Variants in ZBTB4 observed in about 807,000 individuals in gnomAD.
The protein encoded by ZBTB4 is zinc finger and BTB domain containing 4, also known as zinc finger and BTB domain-containing protein 4.
A neutral mutation model predicts 59.8 loss-of-function variants in ZBTB4; 14 were observed. That is an observed-to-expected ratio of 0.23 (90% confidence interval 0.15 to 0.37). The LOEUF (loss-of-function observed/expected upper bound fraction) is 0.37. ZBTB4 is among the 10% of genes least tolerant of loss of function. ZBTB4 has a pLI of 1.00. For missense variants in ZBTB4, 1,198 were observed against 1,380.8 expected, an observed-to-expected ratio of 0.87 and a Z score of 2.10; for synonymous variants, 587 against 575.2, an observed-to-expected ratio of 1.02 and a Z score of -0.29.
upstream of ZBTB4, among the ~76,000 whole-genome samples, chr17:7,480,862 A>C (rs1255870637): frequency 2.6e-5 from 4 of 152,066 alleles, no homozygotes; most frequent in South Asian, 4.1e-4. Context: ...AATAGAAAAG[A>C]AGCAGAGTTG....
rs1481303682 is a variant in ZBTB4, at chr17:7,462,888, C to G, written c.2094G>C (p.Trp698Cys). ...GLPRGRRPPR[W>C]RQKLERRSWE... The stretch of plus-strand genomic sequence containing the variant: ...AGCTCCTCCGTTCCAGCTTCTGCCT[C>G]CAACGTGGTGGCCGGCGGCCTCGGG... Residue 698 changes from tryptophan to cysteine, a missense_variant, in exon 4 of 4, where the codon TGG (tryptophan) becomes TGC (cysteine). By Grantham distance (215) the Trp-to-Cys change is radical. This residue lies in a region of ZBTB4 where 550 missense variants were observed against 541.8 expected (regional missense o/e 1.02). Coordinates refer to ENST00000380599, the MANE Select transcript of ZBTB4 (RefSeq NM_001128833.2). This position sits in a 1 kb window ranked among gnomAD's most constrained non-coding sequence, Gnocchi z 7.5. 11 of 1,607,792 alleles carry G rather than the reference C, an allele frequency of 6.8e-6. No homozygotes were observed. Among genetic ancestry groups the G allele is most frequent in the Non-Finnish European group, 9.3e-6 (11 of 1,179,888 alleles).
chr17:7,474,585 G>A (rs1297134774), intron 1 of ZBTB4, among the ~76,000 whole-genome samples: 2 of 152,050 alleles, frequency 1.3e-5, no homozygotes, highest in African/African-American at 4.8e-5. Context: ...GGCCTAGCAC[G>A]TAATAGGTGG....
chr17:7,464,411 G>A (rs1158598570), intron 3 of ZBTB4, among the ~76,000 whole-genome samples: 3 of 135,090 alleles, frequency 2.2e-5, no homozygotes, highest in Non-Finnish European at 4.7e-5. Context: ...GGGCGACAGA[G>A]TGAGACTCTG....
rs2069990659 is a variant in ZBTB4 at position 7,459,676 on chromosome 17, A to C, written c.*2264T>G. The stretch of plus-strand genomic sequence containing the variant: ...GAAACTCACAATATTCAAATTCCCC[A>C]GCTCAAATACATATATTTTAATCTC... On this transcript the variant is annotated 3_prime_UTR_variant, in exon 4 of 4. Transcript: ENST00000380599. The C allele has an allele frequency of 1.3e-5, 2 of 152,538 alleles. No individual in the cohort carries two copies. Among genetic ancestry groups the C allele is most frequent in the Middle Eastern group, 6.8e-3 (2 of 294 alleles). The allele number at this position is 152,538 out of a possible 1,614,324, so 9.4% of individuals were successfully genotyped here. A position where few individuals can be genotyped will look rare whatever the true frequency, so the allele number is the denominator to read the frequency against.
At chr17:7,478,765 C>T (rs1352125881) in intron 1 of ZBTB4, among the ~76,000 whole-genome samples, 1 of 152,230 alleles carries the variant, frequency 6.6e-6, no homozygotes, top group Non-Finnish European at 1.5e-5. Context: ...CCACAGGGCT[C>T]GTCTTGTAAC....
chr17:7,483,175 G>C, upstream of ZBTB4: 1 of 1,260,224 alleles, frequency 7.9e-7, no homozygotes. Context: ...GAAGACCTGG[G>C]GCCAGCCTGG....
intron 1 of ZBTB4, among the ~76,000 whole-genome samples, chr17:7,479,151 G>A (rs2070309958): frequency 6.6e-6 from 1 of 152,008 alleles, no homozygotes; most frequent in African/African-American, 2.4e-5. Context: ...CCATTAGGCT[G>A]CAGAATTAAC....
In ZBTB4 at chr17:7,461,719, C is replaced by A; in HGVS notation, c.*221G>T. The A allele has an allele frequency of 2.3e-6, 1 of 439,696 alleles. No individual in the cohort carries two copies. The highest frequency in any genetic ancestry group is 5.6e-5 in the South Asian group (1 of 17,960). The allele number at this position is 439,696 out of a possible 1,614,324, so 27.2% of individuals were successfully genotyped here. The stretch of plus-strand genomic sequence containing the variant: ...GCCCTGCCCCTCATGGAGGCCATTC[C>A]CTGGAGGAAGACTGAGAGGGGAACC... On this transcript the variant is annotated 3_prime_UTR_variant, in exon 4 of 4. Transcript: ENST00000380599.
In ZBTB4 at chr17:7,463,390, G is replaced by C. The variant is rs763266806; in HGVS notation, c.1592C>G (p.Ala531Gly). 6.3e-7 allele frequency: 1 copy of C among 1,595,434 alleles called. No individual in the cohort carries two copies. The highest frequency in any genetic ancestry group is 8.5e-7 in the Non-Finnish European group (1 of 1,171,260). Reference sequence around the variant, plus strand: ...TGCTGTGGCTGGGCTGGTGGGTGTGGCTGCAGGCTCAGGGGGAGGAGGTGG... The same window carrying C: ...TGCTGTGGCTGGGCTGGTGGGTGTGCCTGCAGGCTCAGGGGGAGGAGGTGG... ...EYPPPPPEPA[A>G]TPTSPATAVS... The change falls in exon 4 of 4, where the codon GCC (alanine) becomes GGC (glycine). Residue 531 changes from alanine to glycine, a missense_variant. Physicochemically the swap from Ala to Gly is moderately conservative, Grantham distance 60. Transcript: ENST00000380599.
Position 7,465,993 on chromosome 17 carries a change from G to C in ZBTB4, c.809C>G (p.Ala270Gly). The C allele has an allele frequency of 6.2e-7, 1 of 1,603,640 alleles. No individual in the cohort carries two copies. The highest frequency in any genetic ancestry group is 8.5e-7 in the Non-Finnish European group (1 of 1,172,982). The stretch of plus-strand genomic sequence containing the variant: ...AGGACCACCAGGGCCAGCGCCCCCA[G>C]CTCCCAGCCCTGTAGACCCCCGCGT... The part of the protein sequence containing the change: ...ASTRGSTGLG[A>G]GGAGPGGPAG... Residue 270 changes from alanine to glycine, a missense_variant, in exon 3 of 4, where the codon GCT (alanine) becomes GGT (glycine). Physicochemically the swap from Ala to Gly is moderately conservative, Grantham distance 60. Coordinates refer to ENST00000380599, the MANE Select transcript of ZBTB4 (RefSeq NM_001128833.2).
At chr17:7,482,796 G>T, upstream of ZBTB4, 1 of 1,612,068 alleles carries the variant, frequency 6.2e-7, no homozygotes, top group Non-Finnish European at 8.5e-7. Flanking sequence ...ACATGTGTGA[G>T]CTATGCGGTC....
In ZBTB4 at chr17:7,463,032, CTCCTCCTCCTCCTCTTCG is replaced by C. The variant is rs771260311; in HGVS notation, c.1932_1949del (p.Asp644_Glu649del). On this transcript the variant is annotated inframe_deletion, in exon 4 of 4. Coordinates refer to ENST00000380599, the MANE Select transcript of ZBTB4 (RefSeq NM_001128833.2). Reference sequence around the variant, plus strand: ...CACCAGCCTTTGATTCCTCCTCATCCTCCTCCTCCTCCTCTTCGTCCTCCTCCTCTTCGTCCTCCTCAC... The same window carrying C: ...CACCAGCCTTTGATTCCTCCTCATCCTCCTCCTCCTCTTCGTCCTCCTCAC... 13 of 1,587,134 alleles carry C rather than the reference CTCCTCCTCCTCCTCTTCG, an allele frequency of 8.2e-6. No homozygotes were observed. The Admixed American group carries it at 1.2e-4, about 14-fold the overall frequency.
At chr17:7,481,629 T>G, upstream of ZBTB4, 1 of 770,660 alleles carries the variant, frequency 1.3e-6, no homozygotes, top group Non-Finnish European at 2.0e-6. Flanking sequence ...CAAATAGAAT[T>G]CATAATGGTG....
At chr17:7,472,160 C>T (rs2070206197) in intron 1 of ZBTB4, among the ~76,000 whole-genome samples, 1 of 152,036 alleles carries the variant, frequency 6.6e-6, no homozygotes, top group South Asian at 2.1e-4. Flanking sequence ...CCCGACCCTA[C>T]TTTATTTTGC....
chr17:7,481,259 G>A (rs944160601), upstream of ZBTB4: 2 of 340,428 alleles, frequency 5.9e-6, no homozygotes, highest in African/African-American at 4.3e-5. Flanking sequence ...GAATCTGGGA[G>A]GTGGAGGTTG....
Position 7,460,380 on chromosome 17 carries a change from T to A in ZBTB4, c.*1560A>T, listed in dbSNP as rs1048203108. ...TAAACTCACCTCCCTCCAAAAGCCA[T>A]GATCTTGCCCTTGGCAGTGATTGCT... is the stretch of plus-strand genomic sequence containing the variant. On this transcript the variant is annotated 3_prime_UTR_variant, in exon 4 of 4. Transcript: ENST00000380599. 6.6e-6 allele frequency: 1 copy of A among 152,642 alleles called. No individual in the cohort carries two copies. Among genetic ancestry groups the A allele is most frequent in the Non-Finnish European group, 1.5e-5 (1 of 68,038 alleles). 9.5% of individuals were successfully genotyped at this position (152,642 alleles called of 1,614,324 possible). A position where few individuals can be genotyped will look rare whatever the true frequency, so the allele number is the denominator to read the frequency against.
Position 7,462,247 on chromosome 17 carries a change from G to A in ZBTB4, c.2735C>T (p.Ala912Val), listed in dbSNP as rs760861791. 6.2e-7 allele frequency: 1 copy of A among 1,613,644 alleles called. No homozygotes were observed. The highest frequency in any genetic ancestry group is 8.5e-7 in the Non-Finnish European group (1 of 1,179,830). The change falls in exon 4 of 4, where the codon GCT (alanine) becomes GTT (valine). Residue 912 changes from alanine to valine, a missense_variant. Ala to Val is a moderately conservative substitution (Grantham distance 64). Around this residue, in one of 9 missense-constraint regions of ZBTB4, gnomAD observed 211 missense variants for 236.1 expected, o/e 0.89. Coordinates refer to ENST00000380599, the MANE Select transcript of ZBTB4 (RefSeq NM_001128833.2). This position sits in a 1 kb window ranked among gnomAD's most constrained non-coding sequence, Gnocchi z 7.5. ...GEGDRMEGIG[A>V]AKVTFYPEPY... The stretch of plus-strand genomic sequence containing the variant: ...CTCAGGGTAGAAAGTGACTTTGGCA[G>A]CCCCTATCCCCTCCATCCGGTCCCC...
upstream of ZBTB4, chr17:7,481,572 TC>T: frequency 7.4e-7 from 1 of 1,342,932 alleles, no homozygotes; most frequent in Admixed American, 2.8e-5. Context: ...TCCTGGTTGC[TC>T]CATTTCCCCT....
intron 1 of ZBTB4, among the ~76,000 whole-genome samples, chr17:7,476,720 A>G (rs2070273860): frequency 6.6e-6 from 1 of 152,152 alleles, no homozygotes. Context: ...TTGTGCTCCT[A>G]TGGCCAGCAT....
Sources: gnomAD v4.1 joint callset for allele counts (sites outside exome capture counted in the v4.1 genomes callset) on GRCh38, gnomAD v4.1.1 for gene constraint, gnomAD v4.1.1 regional missense constraint, Gnocchi (gnomAD v3.1) non-coding constraint, MANE v1.5 for transcripts, NCBI Gene and HGNC (gene_info 2026-07-23, HGNC 2026-07-21) for gene names.